Variants in GIGYF1 observed in about 807,000 individuals in gnomAD.
GIGYF1 encodes GRB10-interacting GYF protein 1.
In GIGYF1, 84 loss-of-function variants were observed where a neutral mutation model predicts 147.1. That is an observed-to-expected ratio of 0.57 (90% CI 0.48 to 0.68). GIGYF1 has a LOEUF of 0.68. Ranked by LOEUF, GIGYF1 falls within the 30% of genes least tolerant of loss-of-function variation. GIGYF1 has a pLI of 0.00. For missense variants in GIGYF1, 1,485 were observed against 1,393.7 expected, an observed-to-expected ratio of 1.07 and a Z score of -1.04; for synonymous variants, 752 against 589.5, an observed-to-expected ratio of 1.28 and a Z score of -3.99.
In GIGYF1 at chr7:100,686,649, C is replaced by T; in HGVS notation, c.694G>A (p.Asp232Asn). 1.2e-6 allele frequency: 2 copies of T among 1,610,204 alleles called. No homozygotes were observed. The highest frequency in any genetic ancestry group is 2.2e-5 in the South Asian group (2 of 90,794). Residue 232 changes from aspartate (D) to asparagine (N), a missense_variant and splice_region_variant, in exon 10 of 27, where the codon GAT (aspartate) becomes AAT (asparagine). By Grantham distance (23) the Asp-to-Asn change is conservative. Coordinates refer to ENST00000678049, the MANE Select transcript of GIGYF1 (RefSeq NM_001375765.1). ...DGDRWRSASPDGGPRSAGWRE... is the reference protein window; with the variant it reads ...DGDRWRSASPNGGPRSAGWRE... ...CAATGCTACCAGGCCCCAATCTCAC[C>T]AGGGCTGGCGGAGCGCCAGCGGTCG...
chr7:100,690,940 T>C (rs1271370720), intron 1 of GIGYF1, among the ~76,000 whole-genome samples: 3 of 151,898 alleles, frequency 2.0e-5, no homozygotes, highest in Non-Finnish European at 4.4e-5. Context: ...TCATGCAGAC[T>C]GAGGACAGCG....
chr7:100,693,304 T>G (rs1345750777), intron 1 of GIGYF1, among the ~76,000 whole-genome samples: 1 of 152,026 alleles, frequency 6.6e-6, no homozygotes, highest in African/African-American at 2.4e-5. Context: ...TTTGTTTTTT[T>G]TTTTTTTTAA....
Position 100,680,754 on chromosome 7 carries a change from T to C in GIGYF1, c.*965A>G, listed in dbSNP as rs970716318. The C allele has an allele frequency of 6.5e-6, 1 of 152,758 alleles. No individual in the cohort carries two copies. Among genetic ancestry groups the C allele is most frequent in the African/African-American group, 2.4e-5 (1 of 41,438 alleles). 9.5% of individuals were successfully genotyped at this position (152,758 alleles called of 1,614,324 possible). A position where few individuals can be genotyped will look rare whatever the true frequency, so the allele number is the denominator to read the frequency against. ...ACAGCTCAGCCTTCTCTCTGCAGCC[T>C]CTGGAGCAATCATCCACCCCCGCCG... On this transcript the variant is annotated 3_prime_UTR_variant, in exon 27 of 27. Transcript: ENST00000678049.
At chr7:100,690,811 G>T (rs919889699) in intron 1 of GIGYF1, among the ~76,000 whole-genome samples, 1 of 148,856 alleles carries the variant, frequency 6.7e-6, no homozygotes, top group Non-Finnish European at 1.5e-5. Context: ...AATTTAAAGC[G>T]ATGGCCTCAC....
Position 100,684,791 on chromosome 7 carries a change from G to C in GIGYF1, c.1394C>G (p.Thr465Ser), listed in dbSNP as rs750425983. 1.2e-6 allele frequency: 2 copies of C among 1,611,730 alleles called. No homozygotes were observed. The highest frequency in any genetic ancestry group is 1.7e-6 in the Non-Finnish European group (2 of 1,179,250). ...TQGLRHSAAA[T>S]ALPLSHGAAR... ...AGCCCCATGGCTGAGCGGGAGGGCAGTGGCGGCTGCAGAGTGGCGCAGGCC... is the reference window on the plus strand; with the variant it reads ...AGCCCCATGGCTGAGCGGGAGGGCACTGGCGGCTGCAGAGTGGCGCAGGCC... Residue 465 changes from threonine to serine, a missense_variant, in exon 15 of 27, where the codon ACT (threonine) becomes AGT (serine). Physicochemically the swap from Thr to Ser is moderately conservative, Grantham distance 58 (BLOSUM62 1). Coordinates refer to ENST00000678049, the MANE Select transcript of GIGYF1 (RefSeq NM_001375765.1).
In GIGYF1 at chr7:100,685,181, C is replaced by T. The variant is rs748218453; in HGVS notation, c.1193-35G>A. The T allele has an allele frequency of 1.6e-5, 25 of 1,534,950 alleles. No individual in the cohort carries two copies. In the Admixed American group the frequency reaches 1.7e-4, roughly 10 times the overall value. On this transcript the variant is annotated intron_variant, in intron 13 of 26. Coordinates refer to ENST00000678049, the MANE Select transcript of GIGYF1 (RefSeq NM_001375765.1). ...ATGAGATAGGAGGTGGAAAGAAGGG[C>T]GGGGAGGAGACAAGATAGCTTTCGC...
Position 100,684,981 on chromosome 7 carries a change from G to A in GIGYF1, c.1290+68C>T, listed in dbSNP as rs992507774. ...TGGGGATGGAGCTTGAGCTGGGGCC[G>A]GGGCTGGGGCCAAGCAGGTCAGGTC... On this transcript the variant is annotated intron_variant, in intron 14 of 26. Coordinates refer to ENST00000678049, the MANE Select transcript of GIGYF1 (RefSeq NM_001375765.1). The A allele has an allele frequency of 4.3e-5, 67 of 1,548,554 alleles. No individual in the cohort carries two copies. The East Asian group carries it at 6.7e-4, about 16-fold the overall frequency.
chr7:100,684,087 G>A lies in GIGYF1; in HGVS notation c.1801C>T (p.Pro601Ser). The A allele has an allele frequency of 1.9e-6, 3 of 1,607,126 alleles. No homozygotes were observed. Among genetic ancestry groups the A allele is most frequent in the African/African-American group, 1.3e-5 (1 of 74,956 alleles). Reference protein sequence around the residue: ...LGDLTPPPPPPPQQQQQQLTA... With the variant: ...LGDLTPPPPPSPQQQQQQLTA... ...AGCTGCTGCTGCTGCTGCTGTGGCGGCGGCGGTGGTGGCGGTGTCAGGTCC... is the reference window on the plus strand; with the variant it reads ...AGCTGCTGCTGCTGCTGCTGTGGCGACGGCGGTGGTGGCGGTGTCAGGTCC... Residue 601 changes from proline to serine, a missense_variant, in exon 18 of 27, where the codon CCG (proline) becomes TCG (serine). Transcript: ENST00000678049.
At chr7:100,689,715 T>G (rs2131397519) in intron 1 of GIGYF1, among the ~76,000 whole-genome samples, 160 bp from the exon 2 acceptor site, 1 of 152,196 alleles carries the variant, frequency 6.6e-6, no homozygotes, top group South Asian at 2.1e-4. Context: ...CAGGCTGGCC[T>G]CCCCTGGGAC....
At position 100,688,070 on chromosome 7, in the gene GIGYF1, G is replaced by T; in HGVS notation, c.76C>A (p.Pro26Thr). The T allele has an allele frequency of 6.2e-7, 1 of 1,612,492 alleles. No individual in the cohort carries two copies. The highest frequency in any genetic ancestry group is 1.7e-4 in the Middle Eastern group (1 of 6,054). ...LSGGGSVASPPPSPAMPKYKL... is the reference protein window; with the variant it reads ...LSGGGSVASPTPSPAMPKYKL... ...TATTTGGGCATGGCAGGGGACGGGGGTGGGGAGGCCACGCTGCCGCCCCCG... is the reference window on the plus strand; with the variant it reads ...TATTTGGGCATGGCAGGGGACGGGGTTGGGGAGGCCACGCTGCCGCCCCCG... The change falls in exon 5 of 27, where the codon CCC (proline) becomes ACC (threonine). Residue 26 changes from proline (P) to threonine (T), a missense_variant. Transcript: ENST00000678049.
intron 12 of GIGYF1, 151 bp downstream of exon 12, chr7:100,685,823 C>A: frequency 1.5e-6 from 1 of 645,516 alleles, no homozygotes; most frequent in South Asian, 1.9e-5. Context: ...GGCTCTGCTA[C>A]CCCCTGGTTC....
At chr7:100,692,041 T>C (rs1805870762) in intron 1 of GIGYF1, among the ~76,000 whole-genome samples, 1 of 152,256 alleles carries the variant, frequency 6.6e-6, no homozygotes, top group Non-Finnish European at 1.5e-5. Flanking sequence ...CACTGTGCCT[T>C]GGCACAGAAC....
chr7:100,688,446 C>A lies in GIGYF1; in HGVS notation c.-70+5G>T. ...GTGGGTCACCTGGGGTCTAAAAGGA[C>A]TCACCTGAGCCAGCCACGTGGCCAC... On this transcript the variant is annotated splice_donor_5th_base_variant and intron_variant, in intron 3 of 26. Coordinates refer to ENST00000678049, the MANE Select transcript of GIGYF1 (RefSeq NM_001375765.1). 1 of 696,914 alleles carries A rather than the reference C, an allele frequency of 1.4e-6. No homozygotes were observed. Among genetic ancestry groups the A allele is most frequent in the South Asian group, 1.5e-5 (1 of 66,296 alleles). The allele number at this position is 696,914 out of a possible 1,614,324, so 43.2% of individuals were successfully genotyped here. A position where few individuals can be genotyped will look rare whatever the true frequency, so the allele number is the denominator to read the frequency against.
chr7:100,683,238 G>C lies in GIGYF1; in HGVS notation c.2194-8C>G. On this transcript the variant is annotated splice_region_variant and splice_polypyrimidine_tract_variant and intron_variant, in intron 21 of 26. Coordinates refer to ENST00000678049, the MANE Select transcript of GIGYF1 (RefSeq NM_001375765.1). ...TAGCTCCTGCTGCCGCACCTAAGAG[G>C]GGGACATGGTGAGGGGACCTGGCGA... 1 of 1,612,726 alleles carries C rather than the reference G, an allele frequency of 6.2e-7. No homozygotes were observed. The highest frequency in any genetic ancestry group is 2.2e-5 in the East Asian group (1 of 44,868).
At chr7:100,687,684 C>T in intron 6 of GIGYF1, 68 bp from the exon 7 acceptor site, 1 of 1,441,628 alleles carries the variant, frequency 6.9e-7, no homozygotes, top group Non-Finnish European at 9.6e-7. Context: ...CACCCCACAG[C>T]ACCCTCCCCG....
Position 100,688,621 on chromosome 7 carries a change from C to A in GIGYF1, c.-164G>T. 4.1e-6 allele frequency: 2 copies of A among 485,820 alleles called. No homozygotes were observed. Among genetic ancestry groups the A allele is most frequent in the Non-Finnish European group, 8.0e-6 (2 of 248,768 alleles). 30.1% of individuals were successfully genotyped at this position (485,820 alleles called of 1,614,324 possible). A position where few individuals can be genotyped will look rare whatever the true frequency, so the allele number is the denominator to read the frequency against. ...CAGCCTGGCCCGGGAAGAAGGAGGG[C>A]AGGGGCTGGTGCTGGAGTGAACGAG... On this transcript the variant is annotated 5_prime_UTR_variant, in exon 2 of 27. Coordinates refer to ENST00000678049, the MANE Select transcript of GIGYF1 (RefSeq NM_001375765.1).
Position 100,681,913 on chromosome 7 carries a change from G to A in GIGYF1, c.3006C>T (p.Ser1002=). The A allele has an allele frequency of 6.2e-7, 1 of 1,611,282 alleles. No individual in the cohort carries two copies. ...HSTKLGPGEG[S]KAKRRALMLH... Reference sequence around the variant, plus strand: ...GCATCAGTGCCCGCCTCTTGGCCTTGCTGCCCTCCCCGGGGCCGAGTTTGG... The same window carrying A: ...GCATCAGTGCCCGCCTCTTGGCCTTACTGCCCTCCCCGGGGCCGAGTTTGG... The change falls in exon 26 of 27, where the codon AGC becomes AGT. Residue 1002 remains serine (S), a synonymous_variant. Transcript: ENST00000678049.
Position 100,685,114 on chromosome 7 carries a change from C to G in GIGYF1, c.1225G>C (p.Val409Leu). 6.3e-7 allele frequency: 1 copy of G among 1,583,534 alleles called. No homozygotes were observed. The highest frequency in any genetic ancestry group is 1.1e-5 in the South Asian group (1 of 87,208). Reference sequence around the variant, plus strand: ...CCGGGTGGGCCAGCAGAGGAGCCCACCCCGGGACTCAGCTGGATCCCCCGA... The same window carrying G: ...CCGGGTGGGCCAGCAGAGGAGCCCAGCCCGGGACTCAGCTGGATCCCCCGA... The part of the protein sequence containing the change: ...DIRGIQLSPG[V>L]GSSAGPPGDL... The change falls in exon 14 of 27, where the codon GTG (valine) becomes CTG (leucine). Residue 409 changes from valine to leucine, a missense_variant. By Grantham distance (32) the Val-to-Leu change is conservative (BLOSUM62 1). Coordinates refer to ENST00000678049, the MANE Select transcript of GIGYF1 (RefSeq NM_001375765.1).
At position 100,683,216 on chromosome 7, in the gene GIGYF1, C is replaced by T. The variant is rs766718677; in HGVS notation, c.2208G>A (p.Glu736=). 5 of 1,611,176 alleles carry T rather than the reference C, an allele frequency of 3.1e-6. No individual in the cohort carries two copies. Among genetic ancestry groups the T allele is most frequent in the South Asian group, 1.1e-5 (1 of 91,088 alleles). Residue 736 remains glutamate (E), a synonymous_variant, in exon 22 of 27, where the codon GAG becomes GAA. Coordinates refer to ENST00000678049, the MANE Select transcript of GIGYF1 (RefSeq NM_001375765.1). ...GCTGCTGTAGCAACTTCAGCAATAG[C>T]TCCTGCTGCCGCACCTAAGAGGGGG... is the stretch of plus-strand genomic sequence containing the variant. ...LFRRKHVRQQ[E]LLLKLLQQQQ...
Sources: allele counts gnomAD v4.1 joint callset (sites outside exome capture counted in the v4.1 genomes callset), GRCh38; gene constraint gnomAD v4.1.1; transcripts MANE v1.5; gene names NCBI Gene and HGNC (gene_info 2026-07-23, HGNC 2026-07-21).